Variants in RUNX2 observed in about 807,000 individuals in gnomAD.
RUNX2 encodes runt-related transcription factor 2.
A neutral mutation model predicts 51.7 loss-of-function variants in RUNX2; 10 were observed. That is an observed-to-expected ratio of 0.19 (90% CI 0.12 to 0.33). The LOEUF is 0.33. Among genes scored for constraint, RUNX2 ranks in the 10% least tolerant of loss-of-function variants. The probability of loss-of-function intolerance (pLI) is 1.00; values close to 1 mark genes in which losing one functional copy is unlikely to be tolerated. For synonymous variants in RUNX2, 276 were observed against 273.6 expected (o/e 1.01, Z -0.09); for missense variants, 562 against 691.3 (o/e 0.81, Z 2.10).
chr6:45,502,178 CA>C (rs1190552267), intron 6 of RUNX2, among the ~76,000 whole-genome samples: 2 of 152,134 alleles, frequency 1.3e-5, no homozygotes, highest in Admixed American at 1.3e-4. Flanking sequence ...TGTGGGATGT[CA>C]TTTATCTTGG....
chr6:45,339,497 T>A (rs1410906761), intron 2 of RUNX2, among the ~76,000 whole-genome samples: 1 of 152,174 alleles, frequency 6.6e-6, no homozygotes, highest in African/African-American at 2.4e-5. Context: ...ATTAGTTCCT[T>A]TCTTTCCTTC....
chr6:45,344,552 G>T (rs922774049), intron 2 of RUNX2, among the ~76,000 whole-genome samples: 2 of 151,642 alleles, frequency 1.3e-5, no homozygotes, highest in Non-Finnish European at 2.9e-5. Context: ...TATCAATTAA[G>T]TACTTAACTG....
intron 2 of RUNX2, among the ~76,000 whole-genome samples, chr6:45,362,069 C>T (rs990115438): frequency 6.6e-6 from 1 of 152,092 alleles, no homozygotes; most frequent in African/African-American, 2.4e-5. Context: ...ACAACAACAA[C>T]AACAACAACA....
intron 2 of RUNX2, among the ~76,000 whole-genome samples, chr6:45,404,399 C>T (rs1797790057): frequency 6.6e-6 from 1 of 152,104 alleles, no homozygotes; most frequent in Non-Finnish European, 1.5e-5. Context: ...AGGATGTCTC[C>T]ATTCCCCATG....
At chr6:45,373,422 G>A (rs1203652302) in intron 2 of RUNX2, among the ~76,000 whole-genome samples, 3 of 152,166 alleles carry the variant, frequency 2.0e-5, no homozygotes, top group Non-Finnish European at 4.4e-5. Flanking sequence ...TACAACGGAA[G>A]GAACACATCA....
Position 45,336,281 on chromosome 6 carries a change from G to C in RUNX2, c.58+7497G>C, listed in dbSNP as rs569636737. ...GTACTGTCACGAAAGCTTTATTCTT[G>C]ATTATGTAGTAAAGATTTAACAATA... is the stretch of plus-strand genomic sequence containing the variant. On this transcript the variant is annotated intron_variant, in intron 2 of 8. Coordinates refer to ENST00000647337, the MANE Select transcript of RUNX2 (RefSeq NM_001024630.4). Among the ~76,000 whole-genome samples the C allele has an allele frequency of 4.0e-5, 6 of 151,492 alleles. No homozygotes were observed. The East Asian group carries it at 1.2e-3, about 29-fold the overall frequency.
chr6:45,387,852 A>G (rs189218730), intron 2 of RUNX2, among the ~76,000 whole-genome samples: 36 of 152,304 alleles, frequency 2.4e-4, no homozygotes, highest in Non-Finnish European at 4.6e-4. Context: ...GATTAATTGG[A>G]CTTAGCCAGT....
At chr6:45,506,553 A>G (rs1356075412) in intron 6 of RUNX2, among the ~76,000 whole-genome samples, 1 of 152,246 alleles carries the variant, frequency 6.6e-6, no homozygotes. Flanking sequence ...TCTCTAATAT[A>G]GTAATTAAAA....
At chr6:45,338,286 C>T (rs903778714) in intron 2 of RUNX2, among the ~76,000 whole-genome samples, 2 of 151,906 alleles carry the variant, frequency 1.3e-5, no homozygotes, top group African/African-American at 4.8e-5. Flanking sequence ...ACTTTCACTG[C>T]AGATTGTTCT....
rs141789402 is a variant in RUNX2, at chr6:45,494,269, G to A, written c.859+2155G>A. 7.9e-5 allele frequency among the ~76,000 whole-genome samples: 12 copies of A among 152,334 alleles called. No individual in the cohort carries two copies. The East Asian group carries it at 2.3e-3, about 29-fold the overall frequency. On this transcript the variant is annotated intron_variant, in intron 6 of 8. Coordinates refer to ENST00000647337, the MANE Select transcript of RUNX2 (RefSeq NM_001024630.4). ...CCACAGGCCTGGCCCTCCTCCAGTT[G>A]TCAGCTTCTCTTCACCCTCTTCCCT... is the stretch of plus-strand genomic sequence containing the variant.
chr6:45,372,495 C>G lies in RUNX2; in HGVS notation c.58+43711C>G, dbSNP rs544925065. Among the ~76,000 whole-genome samples the G allele has an allele frequency of 3.3e-5, 5 of 152,242 alleles. No homozygotes were observed. The South Asian group carries it at 1.0e-3, about 32-fold the overall frequency. On this transcript the variant is annotated intron_variant, in intron 2 of 8. Transcript: ENST00000647337. ...TATACAGAATTCAGTCATAAAACCA[C>G]TATAGCATTTAAATCAGCAAAAGTA...
At chr6:45,545,011 G>A (rs1582229982) in intron 7 of RUNX2, among the ~76,000 whole-genome samples, 1 of 152,150 alleles carries the variant, frequency 6.6e-6, no homozygotes, top group Non-Finnish European at 1.5e-5. Context: ...CATCTTGAAA[G>A]TGTTTGCTTC....
At chr6:45,494,328 G>C (rs997088097) in intron 6 of RUNX2, among the ~76,000 whole-genome samples, 1 of 152,204 alleles carries the variant, frequency 6.6e-6, no homozygotes, top group Non-Finnish European at 1.5e-5. Flanking sequence ...CTTCTTGTCT[G>C]CAGTTGCACA....
intron 2 of RUNX2, among the ~76,000 whole-genome samples, chr6:45,344,823 G>A (rs1029498444): frequency 1.3e-5 from 2 of 152,134 alleles, no homozygotes; most frequent in African/African-American, 4.8e-5. Context: ...TAAAAATGCA[G>A]TAAGCCAAGA....
chr6:45,438,641 T>C (rs1198642764), intron 5 of RUNX2, among the ~76,000 whole-genome samples: 1 of 152,178 alleles, frequency 6.6e-6, no homozygotes, highest in Non-Finnish European at 1.5e-5. Context: ...TTTAAATCCA[T>C]CTTGGTTTAT....
At chr6:45,420,735 C>A (rs913648269) in intron 2 of RUNX2, among the ~76,000 whole-genome samples, 2 of 152,134 alleles carry the variant, frequency 1.3e-5, no homozygotes, top group African/African-American at 4.8e-5. Context: ...GGCCCTGTGC[C>A]CCCTTCTTGG....
intron 3 of RUNX2, among the ~76,000 whole-genome samples, chr6:45,424,356 A>T (rs989455004): frequency 1.3e-5 from 2 of 152,160 alleles, no homozygotes; most frequent in Admixed American, 6.5e-5. Flanking sequence ...CAGGCTGTCC[A>T]CACTCGCAGG....
At chr6:45,422,989 C>G in intron 3 of RUNX2, 32 bp downstream of exon 3, 2 of 1,596,806 alleles carry the variant, frequency 1.3e-6, no homozygotes, top group East Asian at 2.3e-5. Flanking sequence ...CGCCCCCGGC[C>G]GGGAGCGGCG....
intron 2 of RUNX2, among the ~76,000 whole-genome samples, chr6:45,413,842 C>T (rs936575368): frequency 5.9e-5 from 9 of 152,060 alleles, no homozygotes; most frequent in African/African-American, 2.2e-4. Flanking sequence ...AGCCTGAAAT[C>T]ACTCGGTAAG....
Sources: allele counts gnomAD v4.1 joint callset (sites outside exome capture counted in the v4.1 genomes callset), GRCh38; gene constraint gnomAD v4.1.1; transcripts MANE v1.5; gene names NCBI Gene and HGNC (gene_info 2026-07-23, HGNC 2026-07-21).